Variants in SEMA3A observed in about 807,000 individuals in gnomAD.
The protein encoded by SEMA3A is semaphorin-3A.
A neutral mutation model predicts 97.9 loss-of-function variants in SEMA3A; 29 were observed. The ratio of observed to expected loss-of-function variants is 0.30; its 90% CI spans 0.22 to 0.40. The LOEUF (loss-of-function observed/expected upper bound fraction) is 0.40, where lower values mean the gene tolerates loss of function less well. SEMA3A is among the 10% of genes least tolerant of loss of function. The pLI, the probability that SEMA3A is intolerant of heterozygous loss-of-function variation, is 1.00. For missense variants in SEMA3A, 763 were observed against 951.3 expected, an observed-to-expected ratio of 0.80 and a Z score of 2.60; for synonymous variants, 321 against 323.7, an observed-to-expected ratio of 0.99 and a Z score of 0.09.
chr7:84,397,556 A>AT (rs927007311), intron 1 of SEMA3A, among the ~76,000 whole-genome samples: 3 of 150,758 alleles, frequency 2.0e-5, no homozygotes, highest in African/African-American at 7.3e-5. Flanking sequence ...GCATAGTATA[A>AT]TTTTTTTAAC....
At chr7:84,210,577 T>C (rs1798602704) in intron 3 of SEMA3A, among the ~76,000 whole-genome samples, 1 of 152,088 alleles carries the variant, frequency 6.6e-6, no homozygotes, top group African/African-American at 2.4e-5. Context: ...AACTGTAATG[T>C]AGGTGACGAA....
intron 1 of SEMA3A, among the ~76,000 whole-genome samples, chr7:84,158,190 T>C (rs1162996990): frequency 2.9e-5 from 4 of 138,296 alleles, no homozygotes; most frequent in Non-Finnish European, 6.1e-5. Context: ...AGTCTCACTC[T>C]GTTGCCCAGG....
At chr7:84,464,041 T>C (rs1475417103) in intron 1 of SEMA3A, among the ~76,000 whole-genome samples, 1 of 152,194 alleles carries the variant, frequency 6.6e-6, no homozygotes, top group Non-Finnish European at 1.5e-5. Context: ...TACTTTGACA[T>C]AATTTTCAAT....
At chr7:84,245,343 C>T (rs1799454472) in intron 3 of SEMA3A, among the ~76,000 whole-genome samples, 1 of 151,822 alleles carries the variant, frequency 6.6e-6, no homozygotes, top group African/African-American at 2.4e-5. Context: ...TTAAGTTGAT[C>T]TTCAATCTCT....
chr7:84,170,074 C>A (rs903317764), intron 1 of SEMA3A, among the ~76,000 whole-genome samples: 4 of 151,810 alleles, frequency 2.6e-5, no homozygotes, highest in Non-Finnish European at 5.9e-5. Flanking sequence ...AAGCACACTG[C>A]AATTTCAGTT....
chr7:84,121,342 T>C (rs575378129), intron 3 of SEMA3A, among the ~76,000 whole-genome samples: 2 of 152,016 alleles, frequency 1.3e-5, no homozygotes, highest in African/African-American at 4.8e-5. Flanking sequence ...GTATATCTCC[T>C]AATGTTATCC....
chr7:84,012,891 A>G (rs927348699), intron 7 of SEMA3A, among the ~76,000 whole-genome samples: 1 of 152,094 alleles, frequency 6.6e-6, no homozygotes. Context: ...ACTTTTAAAC[A>G]CCTTAGAGAT....
At chr7:84,447,338 C>T (rs924111854) in intron 1 of SEMA3A, among the ~76,000 whole-genome samples, 2 of 152,140 alleles carry the variant, frequency 1.3e-5, no homozygotes, top group African/African-American at 4.8e-5. Context: ...GGCGGAGAGA[C>T]GGTCCTGGTG....
At chr7:84,311,541 A>T (rs1444587471) in intron 2 of SEMA3A, among the ~76,000 whole-genome samples, 1 of 151,916 alleles carries the variant, frequency 6.6e-6, no homozygotes, top group African/African-American at 2.4e-5. Context: ...CAAGTCTATG[A>T]AGAGAAGACT....
Position 84,038,490 on chromosome 7 carries a change from TGAGA to T in SEMA3A, c.667+7830_667+7833del, listed in dbSNP as rs746484408. On this transcript the variant is annotated intron_variant, in intron 6 of 16. Transcript: ENST00000265362. ...ATATGTGATTCTCGTAACAACCAAA[TGAGA>T]GAGAAACTGCAGTTATTCTCATTTG... Among the ~76,000 whole-genome samples, 74 of 152,180 alleles carry T rather than the reference TGAGA, an allele frequency of 4.9e-4. 1 individual carries two copies. Among genetic ancestry groups the T allele is most frequent in the African/African-American group, 1.7e-3 (71 of 41,540 alleles).
intron 6 of SEMA3A, among the ~76,000 whole-genome samples, chr7:84,027,032 G>C (rs112830040): frequency 6.6e-6 from 1 of 152,002 alleles, no homozygotes; most frequent in African/African-American, 2.4e-5. Flanking sequence ...GCAAAATTAT[G>C]TGTGTGTACC....
chr7:84,026,503 CAAG>C (rs1791548654), intron 6 of SEMA3A, among the ~76,000 whole-genome samples: 1 of 152,016 alleles, frequency 6.6e-6, no homozygotes, highest in Non-Finnish European at 1.5e-5. Context: ...AGGTATATAC[CAAG>C]AAGAATATAA....
At chr7:83,996,301 T>TC (rs2116369553) in intron 12 of SEMA3A, among the ~76,000 whole-genome samples, 1 of 30,862 alleles carries the variant, frequency 3.2e-5, no homozygotes, top group Non-Finnish European at 8.2e-5. Context: ...ACTAGTAATC[T>TC]TTTTTTTTTT....
intron 1 of SEMA3A, among the ~76,000 whole-genome samples, chr7:84,483,247 T>C (rs896829027): frequency 2.0e-5 from 3 of 152,164 alleles, no homozygotes; most frequent in Non-Finnish European, 1.5e-5. Flanking sequence ...AACTATCTAG[T>C]TCCATTCCCC....
At chr7:84,302,247 GAAT>G in intron 3 of SEMA3A, among the ~76,000 whole-genome samples, 1 of 151,558 alleles carries the variant, frequency 6.6e-6, no homozygotes, top group Non-Finnish European at 1.5e-5. Context: ...AAAGAGTTAG[GAAT>G]AATTTTTCCT....
At chr7:84,364,555 T>C (rs1802800925) in intron 2 of SEMA3A, among the ~76,000 whole-genome samples, 1 of 151,770 alleles carries the variant, frequency 6.6e-6, no homozygotes. Context: ...TATTGCACAA[T>C]AAACTAAATA....
intron 3 of SEMA3A, among the ~76,000 whole-genome samples, chr7:84,122,563 T>A (rs1480884551): frequency 6.6e-6 from 1 of 152,178 alleles, no homozygotes; most frequent in Non-Finnish European, 1.5e-5. Flanking sequence ...TATTATTTGA[T>A]AGGCTCCCAA....
chr7:84,248,438 A>C (rs542083078), intron 3 of SEMA3A, among the ~76,000 whole-genome samples: 1 of 152,284 alleles, frequency 6.6e-6, no homozygotes, highest in East Asian at 1.9e-4. Context: ...ACTGGGAAAA[A>C]ACCTTTTGCT....
chr7:84,255,445 T>C (rs1284162986), intron 3 of SEMA3A, among the ~76,000 whole-genome samples: 2 of 152,100 alleles, frequency 1.3e-5, no homozygotes, highest in Non-Finnish European at 2.9e-5. Context: ...CCTTGACCCC[T>C]TCACAAAGAT....
Sources: allele counts gnomAD v4.1 joint callset (sites outside exome capture counted in the v4.1 genomes callset), GRCh38; gene constraint gnomAD v4.1.1; transcripts MANE v1.5; gene names NCBI Gene and HGNC (gene_info 2026-07-23, HGNC 2026-07-21).